ASTN2: variants seen among roughly 807,000 people sequenced by gnomAD.
ASTN2 encodes the protein astrotactin 2.
Under a neutral mutation model 139.8 loss-of-function variants are expected in ASTN2, and 54 were observed. That is an observed-to-expected ratio of 0.39 (90% confidence interval 0.31 to 0.48). ASTN2 has a LOEUF of 0.48. Among genes scored for constraint, ASTN2 ranks in the 20% least tolerant of loss-of-function variants. ASTN2 has a pLI of 0.95. For missense variants in ASTN2, 1,565 were observed against 1,725.1 expected, an observed-to-expected ratio of 0.91 and a Z score of 1.64; for synonymous variants, 756 against 719.5, an observed-to-expected ratio of 1.05 and a Z score of -0.81.
chr9:116,953,123 C>T (rs1835611636), intron 10 of ASTN2, among the ~76,000 whole-genome samples: 1 of 152,136 alleles, frequency 6.6e-6, no homozygotes, highest in Non-Finnish European at 1.5e-5. Context: ...TTTTAACTCC[C>T]CCACCCACTG....
intron 13 of ASTN2, among the ~76,000 whole-genome samples, chr9:116,747,693 GCA>G (rs56265727): frequency 0.068 from 10,110 of 149,026 alleles, 743 homozygotes; most frequent in African/African-American, 0.18. Flanking sequence ...GTGTGCATGA[GCA>G]CACACACACA....
At chr9:116,521,517 A>G (rs1010535399) in intron 19 of ASTN2, among the ~76,000 whole-genome samples, 1 of 152,150 alleles carries the variant, frequency 6.6e-6, no homozygotes, top group African/African-American at 2.4e-5. Context: ...CGGGACTTAA[A>G]CCTAAGACCT....
At chr9:117,132,427 GA>G (rs34030904) in intron 4 of ASTN2, among the ~76,000 whole-genome samples, 85,117 of 152,032 alleles carry the variant, frequency 0.56, 23,784 homozygotes, top group East Asian at 0.68. Flanking sequence ...TCTACTGAAA[GA>G]AATATGGTAG....
intron 17 of ASTN2, among the ~76,000 whole-genome samples, chr9:116,641,149 A>T (rs1857309039): frequency 1.3e-5 from 2 of 152,220 alleles, no homozygotes; most frequent in African/African-American, 2.4e-5. Flanking sequence ...GGTAGGAGCC[A>T]ATCCTAGAAT....
At chr9:117,385,203 ATGCC>A (rs1830366055) in intron 1 of ASTN2, among the ~76,000 whole-genome samples, 1 of 152,118 alleles carries the variant, frequency 6.6e-6, no homozygotes, top group South Asian at 2.1e-4. Flanking sequence ...ATAAGGGAAT[ATGCC>A]TCGAACTCCT....
intron 16 of ASTN2, among the ~76,000 whole-genome samples, chr9:116,673,039 C>T (rs1859292644): frequency 6.6e-6 from 1 of 152,210 alleles, no homozygotes; most frequent in African/African-American, 2.4e-5. Context: ...AGGAAATATC[C>T]TCTCCATAGG....
chr9:116,903,272 T>G (rs368787988), intron 10 of ASTN2, among the ~76,000 whole-genome samples: 100 of 152,308 alleles, frequency 6.6e-4, no homozygotes, highest in African/African-American at 2.2e-3. Flanking sequence ...TACTGTATAA[T>G]TTACCTGTTT....
chr9:116,556,131 A>G (rs1031331171), intron 19 of ASTN2, among the ~76,000 whole-genome samples: 2 of 152,230 alleles, frequency 1.3e-5, no homozygotes, highest in South Asian at 2.1e-4. Context: ...TTCCAGCAGG[A>G]AAGATAAAAA....
chr9:116,513,004 A>C (rs1456308726), intron 19 of ASTN2, among the ~76,000 whole-genome samples: 2 of 152,170 alleles, frequency 1.3e-5, no homozygotes, highest in African/African-American at 2.4e-5. Flanking sequence ...ATTTACATTT[A>C]AGGTTAATAT....
intron 4 of ASTN2, among the ~76,000 whole-genome samples, chr9:117,123,169 G>A (rs1399922273): frequency 1.3e-5 from 2 of 152,066 alleles, no homozygotes; most frequent in African/African-American, 4.8e-5. Flanking sequence ...AGAATTTACA[G>A]TTCTGTCAAG....
Position 116,698,647 on chromosome 9 carries a change from A to C in ASTN2, c.2806+27124T>G. 6.2e-7 allele frequency: 1 copy of C among 1,614,160 alleles called. No homozygotes were observed. Among genetic ancestry groups the C allele is most frequent in the Non-Finnish European group, 8.5e-7 (1 of 1,180,022 alleles). ...GCTGTTAAGAAGCCCCGGACAGTTAACGTGGAAGATTCCTGGGCCATGGAG... is the reference window on the plus strand; with the variant it reads ...GCTGTTAAGAAGCCCCGGACAGTTACCGTGGAAGATTCCTGGGCCATGGAG... On this transcript the variant is annotated intron_variant, in intron 16 of 22. Coordinates refer to ENST00000313400, the MANE Select transcript of ASTN2 (RefSeq NM_001365068.1). This position sits in a 1 kb window ranked among gnomAD's most constrained non-coding sequence, Gnocchi z 4.4.
At chr9:116,500,103 C>T (rs1849804161) in intron 19 of ASTN2, among the ~76,000 whole-genome samples, 1 of 152,110 alleles carries the variant, frequency 6.6e-6, no homozygotes, top group African/African-American at 2.4e-5. Context: ...AGTTTCTGCC[C>T]AGCCTCACCC....
intron 19 of ASTN2, chr9:116,612,404 T>G (rs1855592954): frequency 6.6e-6 from 1 of 152,112 alleles, no homozygotes; most frequent in Non-Finnish European, 1.5e-5. Context: ...TCCACCCCAA[T>G]CAACAGAATA....
At chr9:117,372,930 G>A (rs1830026487) in intron 1 of ASTN2, among the ~76,000 whole-genome samples, 1 of 152,044 alleles carries the variant, frequency 6.6e-6, no homozygotes, top group Non-Finnish European at 1.5e-5. Context: ...TGATTCTCGT[G>A]GTTCTAACAC....
chr9:117,272,269 C>T (rs1834084699), intron 2 of ASTN2, among the ~76,000 whole-genome samples: 1 of 152,216 alleles, frequency 6.6e-6, no homozygotes. Flanking sequence ...TGGCCCCTTT[C>T]AGCCACGCTG....
At chr9:116,620,780 A>G (rs770210586) in intron 17 of ASTN2, among the ~76,000 whole-genome samples, 26 of 152,192 alleles carry the variant, frequency 1.7e-4, no homozygotes, top group Non-Finnish European at 1.9e-4. Flanking sequence ...CCATTTTACA[A>G]GTTGGAAAAC....
intron 1 of ASTN2, among the ~76,000 whole-genome samples, chr9:117,332,754 T>G (rs575523779): frequency 6.6e-6 from 1 of 152,352 alleles, no homozygotes; most frequent in East Asian, 1.9e-4. Context: ...AGCTACCTAA[T>G]GTCCATCATC....
intron 1 of ASTN2, among the ~76,000 whole-genome samples, chr9:117,361,517 G>A (rs4837140): frequency 6.6e-5 from 10 of 151,988 alleles, no homozygotes; most frequent in Non-Finnish European, 1.3e-4. Context: ...AAACTGCATA[G>A]GTTGAATACC....
chr9:117,040,933 CAGA>C (rs1260685829), intron 5 of ASTN2, among the ~76,000 whole-genome samples: 1 of 152,134 alleles, frequency 6.6e-6, no homozygotes, highest in Non-Finnish European at 1.5e-5. Flanking sequence ...ACATACAGAG[CAGA>C]AGAATAATCT....
Sources: gnomAD v4.1 joint callset for allele counts (sites outside exome capture counted in the v4.1 genomes callset) on GRCh38, gnomAD v4.1.1 for gene constraint, Gnocchi (gnomAD v3.1) non-coding constraint, MANE v1.5 for transcripts, NCBI Gene and HGNC (gene_info 2026-07-23, HGNC 2026-07-21) for gene names.